The following RORA variants were observed in gnomAD, a reference collection of about 807,000 sequenced individuals.
RORA encodes the protein nuclear receptor ROR-alpha.
Under a neutral mutation model 69.5 loss-of-function variants are expected in RORA, and 7 were observed. The ratio of observed to expected loss-of-function variants is 0.10; its 90% confidence interval spans 0.06 to 0.19. The LOEUF (loss-of-function observed/expected upper bound fraction) is 0.19, where lower values mean the gene tolerates loss of function less well. Ranked by LOEUF, RORA falls within the 10% of genes least tolerant of loss-of-function variation. The pLI, the probability that RORA is intolerant of heterozygous loss-of-function variation, is 1.00. For synonymous variants in RORA, 261 were observed against 240.8 expected (o/e 1.08, Z -0.78); for missense variants, 457 against 663.0 (o/e 0.69, Z 3.41).
At chr15:60,946,956 C>T (rs1198682281) in intron 1 of RORA, among the ~76,000 whole-genome samples, 1 of 151,574 alleles carries the variant, frequency 6.6e-6, no homozygotes, top group Non-Finnish European at 1.5e-5. Context: ...TCTGCCCCGC[C>T]GCCCTCTCTG....
At chr15:60,642,040 C>G (rs1347832754) in intron 2 of RORA, among the ~76,000 whole-genome samples, 2 of 152,044 alleles carry the variant, frequency 1.3e-5, no homozygotes, top group African/African-American at 2.4e-5. Flanking sequence ...GGAAAGTGAC[C>G]CCACAATATA....
At chr15:61,011,129 C>T (rs979268608) in intron 1 of RORA, among the ~76,000 whole-genome samples, 3 of 152,090 alleles carry the variant, frequency 2.0e-5, no homozygotes, top group Admixed American at 6.6e-5. Flanking sequence ...AGCTTTCCTC[C>T]CACCCCCCTC....
At chr15:60,660,882 A>G (rs1016355917) in intron 2 of RORA, among the ~76,000 whole-genome samples, 3 of 152,180 alleles carry the variant, frequency 2.0e-5, no homozygotes, top group African/African-American at 7.2e-5. Flanking sequence ...CCTTGGCAAG[A>G]AAGTGGAGGC....
At chr15:61,148,644 C>T (rs2079371785) in intron 1 of RORA, among the ~76,000 whole-genome samples, 1 of 152,144 alleles carries the variant, frequency 6.6e-6, no homozygotes, top group African/African-American at 2.4e-5. Context: ...TGCTTAATGA[C>T]ATTAATTGCA....
chr15:60,792,298 T>C (rs999579248), intron 1 of RORA, among the ~76,000 whole-genome samples: 1 of 152,154 alleles, frequency 6.6e-6, no homozygotes, highest in Admixed American at 6.5e-5. Flanking sequence ...AGAGCCTCAG[T>C]GACTTGAGCA....
chr15:60,982,629 A>AC (rs1408250876), intron 1 of RORA, among the ~76,000 whole-genome samples: 1 of 152,192 alleles, frequency 6.6e-6, no homozygotes, highest in African/African-American at 2.4e-5. Flanking sequence ...ATATGCCTGC[A>AC]CTGGGAATGT....
rs79201244 is a variant in RORA, at chr15:61,077,317, C to T, written c.166+151736G>A. ...GGACAGCACATTACGGGTGCCCTAC[C>T]GGATTCAGGCTCCTAATGAAGAAGA... On this transcript the variant is annotated intron_variant, in intron 1 of 10. Coordinates refer to ENST00000335670, the MANE Select transcript of RORA (RefSeq NM_134261.3). Among the ~76,000 whole-genome samples, 10 of 152,222 alleles carry T rather than the reference C, an allele frequency of 6.6e-5. No individual in the cohort carries two copies. The East Asian group carries it at 1.5e-3, about 24-fold the overall frequency.
rs60799050 is a variant in RORA at position 60,670,201 on chromosome 15, CTTT to C, written c.196+8453_196+8455del. On this transcript the variant is annotated intron_variant, in intron 2 of 10. Transcript: ENST00000335670. ...AACCTTAATCTAGTATATCCTACCT[CTTT>C]TTTTTTTTTCTTTTTTTTTTTTTGA... 2.7e-4 allele frequency among the ~76,000 whole-genome samples: 34 copies of C among 126,090 alleles called. 1 individual carries two copies. The highest frequency in any genetic ancestry group is 8.6e-4 in the African/African-American group (26 of 30,322). 82.7% of individuals were successfully genotyped at this position (126,090 alleles called of 152,430 possible).
chr15:61,105,076 T>C (rs577573544), intron 1 of RORA, among the ~76,000 whole-genome samples: 6 of 150,232 alleles, frequency 4.0e-5, no homozygotes. Context: ...CTTGGGTATG[T>C]CTTTGTCAGC....
intron 2 of RORA, among the ~76,000 whole-genome samples, chr15:60,555,627 G>C (rs2067335507): frequency 6.6e-6 from 1 of 151,998 alleles, no homozygotes; most frequent in South Asian, 2.1e-4. Flanking sequence ...CACGATGCTG[G>C]GATATGCAAG....
At chr15:61,223,503 G>T (rs1387538112) in intron 1 of RORA, among the ~76,000 whole-genome samples, 4 of 150,788 alleles carry the variant, frequency 2.7e-5, no homozygotes, top group African/African-American at 9.8e-5. Context: ...AAAACATACT[G>T]ATATTGAGCA....
At chr15:61,220,463 A>C (rs1297549909) in intron 1 of RORA, among the ~76,000 whole-genome samples, 1 of 152,196 alleles carries the variant, frequency 6.6e-6, no homozygotes, top group African/African-American at 2.4e-5. Flanking sequence ...CTGTGATTGG[A>C]TGTTGAAAAT....
chr15:60,745,978 G>A (rs2071643015), intron 1 of RORA, among the ~76,000 whole-genome samples: 1 of 152,104 alleles, frequency 6.6e-6, no homozygotes, highest in Non-Finnish European at 1.5e-5. Context: ...CTCAATTGCA[G>A]ACCCTCTGGA....
At chr15:60,679,974 C>T (rs1422801410) in intron 1 of RORA, among the ~76,000 whole-genome samples, 2 of 152,118 alleles carry the variant, frequency 1.3e-5, no homozygotes, top group East Asian at 1.9e-4. Flanking sequence ...GTTGGCTTCA[C>T]AAAGTGAAGT....
At chr15:61,102,432 CT>C (rs1193209576) in intron 1 of RORA, among the ~76,000 whole-genome samples, 6 of 152,246 alleles carry the variant, frequency 3.9e-5, no homozygotes, top group Non-Finnish European at 7.3e-5. Context: ...GCTGCCCCAA[CT>C]GTCAGAGCCA....
chr15:60,687,208 G>A (rs1452503960), intron 1 of RORA, among the ~76,000 whole-genome samples: 1 of 152,148 alleles, frequency 6.6e-6, no homozygotes, highest in Non-Finnish European at 1.5e-5. Flanking sequence ...AAAAGTAAAA[G>A]CCCTAGGATC....
chr15:60,692,846 T>C (rs1025370235), intron 1 of RORA, among the ~76,000 whole-genome samples: 1 of 152,190 alleles, frequency 6.6e-6, no homozygotes, highest in African/African-American at 2.4e-5. Context: ...ACCAGATGGA[T>C]TTACAGCTGA....
Position 61,079,781 on chromosome 15 carries a change from G to A in RORA, c.166+149272C>T, listed in dbSNP as rs117223434. 3.5e-3 allele frequency among the ~76,000 whole-genome samples: 529 copies of A among 152,302 alleles called. 4 individuals are homozygous for A. Among genetic ancestry groups the A allele is most frequent in the African/African-American group, 0.012 (503 of 41,560 alleles). Reference sequence around the variant, plus strand: ...ATGAGCTGGCTAGGGAGTTTTACACGAGCTTTACATTTGCTCGCCTGGGCA... The same window carrying A: ...ATGAGCTGGCTAGGGAGTTTTACACAAGCTTTACATTTGCTCGCCTGGGCA... On this transcript the variant is annotated intron_variant, in intron 1 of 10. Transcript: ENST00000335670.
chr15:60,828,317 C>T (rs1450061407), intron 1 of RORA, among the ~76,000 whole-genome samples: 1 of 152,170 alleles, frequency 6.6e-6, no homozygotes, highest in African/African-American at 2.4e-5. Context: ...GAAGGTGGCC[C>T]TGCCAATCTA....
Sources: gnomAD v4.1 joint callset for allele counts (sites outside exome capture counted in the v4.1 genomes callset) on GRCh38, gnomAD v4.1.1 for gene constraint, MANE v1.5 for transcripts, NCBI Gene and HGNC (gene_info 2026-07-23, HGNC 2026-07-21) for gene names.